Variants in SYT1 observed in about 807,000 individuals in gnomAD.
SYT1 encodes synaptotagmin-1.
SYT1 carries 8 observed loss-of-function variants against 44.8 expected under a neutral mutation model. The ratio of observed to expected loss-of-function variants is 0.18; its 90% CI spans 0.10 to 0.32. The LOEUF (loss-of-function observed/expected upper bound fraction) is 0.32. Ranked by LOEUF, SYT1 falls within the 10% of genes least tolerant of loss-of-function variation. The pLI is 1.00. For synonymous variants in SYT1, 154 were observed against 188.8 expected, an observed-to-expected ratio of 0.82 and a Z score of 1.51; for missense variants, 286 against 509.3, an observed-to-expected ratio of 0.56 and a Z score of 4.22.
At chr12:78,869,649 A>C (rs921577687) in intron 1 of SYT1, among the ~76,000 whole-genome samples, 1 of 152,058 alleles carries the variant, frequency 6.6e-6, no homozygotes, top group African/African-American at 2.4e-5. Context: ...TTCAAAAGAA[A>C]TTAAAACCTA....
rs61928768 is a variant in SYT1 at position 79,279,823 on chromosome 12, T to C, written c.167-5964T>C. On this transcript the variant is annotated intron_variant, in intron 4 of 10. Coordinates refer to ENST00000261205, the MANE Select transcript of SYT1 (RefSeq NM_005639.3). ...AGGGTACAAAATCAAGGTACGTAAA[T>C]CAGTACCACTGCTATATGCCAATAA... Among the ~76,000 whole-genome samples the C allele has an allele frequency of 3.5e-3, 531 of 152,102 alleles. 1 individual carries two copies. The highest frequency in any genetic ancestry group is 6.1e-3 in the Non-Finnish European group (415 of 67,936).
chr12:78,975,873 CATT>C (rs1350162689), intron 1 of SYT1, among the ~76,000 whole-genome samples: 1 of 152,088 alleles, frequency 6.6e-6, no homozygotes, highest in Non-Finnish European at 1.5e-5. Context: ...TGCTTGGAAT[CATT>C]GTTGAAAAAA....
rs551381681 is a variant in SYT1 at position 79,313,073 on chromosome 12, G to A, written c.810+13522G>A. On this transcript the variant is annotated intron_variant, in intron 8 of 10. Transcript: ENST00000261205. The stretch of plus-strand genomic sequence containing the variant: ...CATAAGTCAGAAAAACTTACAGCTG[G>A]TGTTCCCAGTTTCCTGGTTGACTCC... 2.0e-5 allele frequency among the ~76,000 whole-genome samples: 3 copies of A among 152,280 alleles called. No individual in the cohort carries two copies. In the South Asian group the frequency reaches 6.2e-4, roughly 32 times the overall value.
intron 9 of SYT1, among the ~76,000 whole-genome samples, chr12:79,372,453 T>C (rs1181194453): frequency 6.6e-6 from 1 of 152,214 alleles, no homozygotes; most frequent in East Asian, 1.9e-4. Flanking sequence ...TATGTTGTTG[T>C]GTGATTCCTA....
intron 1 of SYT1, among the ~76,000 whole-genome samples, chr12:78,957,351 C>T (rs879484370): frequency 1.4e-4 from 21 of 152,038 alleles, no homozygotes; most frequent in Non-Finnish European, 3.1e-4. Flanking sequence ...CTTTTTTTCC[C>T]TACTTTCATT....
intron 9 of SYT1, among the ~76,000 whole-genome samples, chr12:79,370,200 T>C (rs543744087): frequency 7.7e-4 from 117 of 152,286 alleles, no homozygotes; most frequent in African/African-American, 2.7e-3. Context: ...ATTAACTTTC[T>C]GAAGCAAATT....
chr12:78,982,557 CTT>C (rs1869341171), intron 2 of SYT1, among the ~76,000 whole-genome samples: 1 of 152,060 alleles, frequency 6.6e-6, no homozygotes, highest in South Asian at 2.1e-4. Context: ...CAAGAAGTGT[CTT>C]AGGGCAGAAA....
At chr12:79,222,330 A>G (rs1432881686) in intron 4 of SYT1, among the ~76,000 whole-genome samples, 1 of 151,392 alleles carries the variant, frequency 6.6e-6, no homozygotes, top group African/African-American at 2.4e-5. Context: ...GGATACTTAC[A>G]TCTTTCTCCA....
At chr12:79,089,170 G>C (rs1487063049) in intron 3 of SYT1, among the ~76,000 whole-genome samples, 1 of 152,022 alleles carries the variant, frequency 6.6e-6, no homozygotes, top group East Asian at 1.9e-4. Flanking sequence ...TCATAAAAGA[G>C]AAATCTGTTT....
intron 3 of SYT1, among the ~76,000 whole-genome samples, chr12:79,179,576 T>TA: frequency 6.7e-6 from 1 of 149,198 alleles, no homozygotes. Context: ...TATATAGATA[T>TA]GGATATAGAT....
chr12:79,232,743 TC>T (rs1488799757), intron 4 of SYT1, among the ~76,000 whole-genome samples: 1 of 152,188 alleles, frequency 6.6e-6, no homozygotes, highest in Non-Finnish European at 1.5e-5. Context: ...TGTCTCCAGT[TC>T]CAGCACAAAA....
intron 1 of SYT1, among the ~76,000 whole-genome samples, chr12:78,976,384 T>G (rs1868834487): frequency 6.6e-6 from 1 of 152,212 alleles, no homozygotes; most frequent in South Asian, 2.1e-4. Context: ...ATTCAGGGAA[T>G]AAAACTCTCT....
In SYT1 at chr12:79,292,058, A is replaced by G. The variant is rs751761691; in HGVS notation, c.402A>G (p.Lys134=). The G allele has an allele frequency of 6.2e-7, 1 of 1,614,118 alleles. No homozygotes were observed. Among genetic ancestry groups the G allele is most frequent in the Non-Finnish European group, 8.5e-7 (1 of 1,179,988 alleles). Residue 134 remains lysine, a synonymous_variant, in exon 6 of 11, where the codon AAA becomes AAG. Coordinates refer to ENST00000261205, the MANE Select transcript of SYT1 (RefSeq NM_005639.3). ...CTGGATTGACAGATGGAGAAGAAAA[A>G]GAAGAACCCAAAGAAGAGGAGAAAC... ...AETGLTDGEE[K]EEPKEEEKLG...
intron 1 of SYT1, among the ~76,000 whole-genome samples, chr12:78,920,791 T>G (rs1170275077): frequency 6.6e-6 from 1 of 151,956 alleles, no homozygotes; most frequent in Non-Finnish European, 1.5e-5. Context: ...GATTCAAGTT[T>G]GTATTATATG....
intron 1 of SYT1, among the ~76,000 whole-genome samples, chr12:78,952,618 G>T (rs920412929): frequency 4.6e-5 from 7 of 152,062 alleles, no homozygotes; most frequent in African/African-American, 1.7e-4. Flanking sequence ...AATATTCCTA[G>T]ACTACAGTTT....
intron 3 of SYT1, among the ~76,000 whole-genome samples, chr12:79,194,877 C>T (rs1873352865): frequency 6.6e-6 from 1 of 152,084 alleles, no homozygotes; most frequent in Non-Finnish European, 1.5e-5. Context: ...GCTGGGAATG[C>T]CTTAAACGCT....
At chr12:79,257,263 A>G (rs967120290) in intron 4 of SYT1, among the ~76,000 whole-genome samples, 5 of 152,378 alleles carry the variant, frequency 3.3e-5, no homozygotes, top group African/African-American at 1.2e-4. Context: ...ACCATAAATC[A>G]GCATGTTTGA....
At chr12:78,934,519 A>G (rs1393704584) in intron 1 of SYT1, among the ~76,000 whole-genome samples, 1 of 152,146 alleles carries the variant, frequency 6.6e-6, no homozygotes, top group Non-Finnish European at 1.5e-5. Context: ...CCTGGATAAT[A>G]GAGCAAGACT....
intron 1 of SYT1, chr12:78,960,540 A>G (rs11112079): frequency 0.18 from 27,926 of 152,150 alleles, 2,925 homozygotes; most frequent in East Asian, 0.31. Flanking sequence ...AAATGTAACA[A>G]ACAAATGTTC....
Sources: allele counts gnomAD v4.1 joint callset (sites outside exome capture counted in the v4.1 genomes callset), GRCh38; gene constraint gnomAD v4.1.1; transcripts MANE v1.5; gene names NCBI Gene and HGNC (gene_info 2026-07-23, HGNC 2026-07-21).